The following WNK1 variants were observed in gnomAD, a reference collection of about 807,000 sequenced individuals.
WNK1 encodes WNK lysine deficient protein kinase 1.
Under a neutral mutation model 222.8 loss-of-function variants are expected in WNK1, and 38 were observed. The ratio of observed to expected loss-of-function variants is 0.17; its 90% CI spans 0.13 to 0.22. The LOEUF is 0.22. WNK1 is among the 10% of genes least tolerant of loss of function. WNK1 has a pLI of 1.00. For synonymous variants in WNK1, 1,090 were observed against 1,092.9 expected, an observed-to-expected ratio of 1.00 and a Z score of 0.05; for missense variants, 2,348 against 2,918.4, an observed-to-expected ratio of 0.80 and a Z score of 4.50.
intron 26 of WNK1, chr12:901,218 G>C: frequency 4.4e-6 from 1 of 225,044 alleles, no homozygotes; most frequent in South Asian, 6.4e-5. Context: ...TGGGCATCTG[G>C]GTGAGAAGAA....
chr12:758,537 G>A (rs1183997596), intron 1 of WNK1, among the ~76,000 whole-genome samples: 9 of 143,840 alleles, frequency 6.3e-5, no homozygotes, highest in African/African-American at 9.8e-5. Context: ...ACAGGCGCCC[G>A]CCACCGTGCC....
At chr12:776,348 G>C (rs1460501458) in intron 1 of WNK1, among the ~76,000 whole-genome samples, 5 of 150,694 alleles carry the variant, frequency 3.3e-5, no homozygotes, top group African/African-American at 1.2e-4. Flanking sequence ...TTTTCAAGCT[G>C]CTGTTTGTTG....
chr12:830,977 G>A (rs911635667), intron 4 of WNK1, among the ~76,000 whole-genome samples: 2 of 152,100 alleles, frequency 1.3e-5, no homozygotes, highest in East Asian at 1.9e-4. Context: ...CTGCATGCAT[G>A]TCAGAGATTT....
At chr12:774,621 C>T (rs1942900468) in intron 1 of WNK1, among the ~76,000 whole-genome samples, 1 of 152,140 alleles carries the variant, frequency 6.6e-6, no homozygotes, top group Non-Finnish European at 1.5e-5. Context: ...GTTCTAAGGG[C>T]ATGATAAGGG....
intron 1 of WNK1, among the ~76,000 whole-genome samples, chr12:785,877 A>G (rs979943281): frequency 3.3e-5 from 5 of 152,176 alleles, no homozygotes; most frequent in Admixed American, 1.3e-4. Context: ...ACTGATAAAT[A>G]AATGCGGTTT....
At chr12:810,111 G>A (rs1430258367) in intron 1 of WNK1, among the ~76,000 whole-genome samples, 1 of 152,142 alleles carries the variant, frequency 6.6e-6, no homozygotes, top group Non-Finnish European at 1.5e-5. Context: ...TTAGCCAGGT[G>A]TGGTGGCACA....
intron 8 of WNK1, chr12:868,022 C>T (rs2154071469): frequency 6.2e-7 from 1 of 1,614,016 alleles, no homozygotes; most frequent in Non-Finnish European, 8.5e-7. Context: ...CACCTCCTTC[C>T]TGGAAGCCCA....
At chr12:801,075 A>G (rs1945820599) in intron 1 of WNK1, among the ~76,000 whole-genome samples, 1 of 152,146 alleles carries the variant, frequency 6.6e-6, no homozygotes, top group Admixed American at 6.5e-5. Context: ...CGCCATTTGT[A>G]TCTGCTGATG....
chr12:802,169 G>A lies in WNK1; in HGVS notation c.760-11473G>A, dbSNP rs190513467. On this transcript the variant is annotated intron_variant, in intron 1 of 27. Coordinates refer to ENST00000315939, the MANE Select transcript of WNK1 (RefSeq NM_018979.4). ...AAATAGTAGATATTTTAGGTTGTAC[G>A]TGAATGAACGTTTTAAAGCCCCAAA... Among the ~76,000 whole-genome samples, 30 of 152,260 alleles carry A rather than the reference G, an allele frequency of 2.0e-4. No individual in the cohort carries two copies. The South Asian group carries it at 3.9e-3, about 20-fold the overall frequency.
At chr12:837,136 A>T (rs961505890) in intron 4 of WNK1, among the ~76,000 whole-genome samples, 6 of 152,244 alleles carry the variant, frequency 3.9e-5, no homozygotes, top group Admixed American at 3.3e-4. Flanking sequence ...GACTCCAGGG[A>T]TGCCTCATGG....
intron 1 of WNK1, among the ~76,000 whole-genome samples, chr12:807,783 A>G (rs1005677405): frequency 2.3e-5 from 3 of 132,966 alleles, no homozygotes; most frequent in Admixed American, 9.4e-5. Flanking sequence ...GCAGTGGCGC[A>G]ATCTCGGCTC....
In WNK1 at chr12:881,738, T is replaced by C; in HGVS notation, c.3158T>C (p.Val1053Ala). Residue 1053 changes from valine (V) to alanine (A), a missense_variant, in exon 13 of 28, where the codon GTA becomes GCA. Val to Ala is a moderately conservative substitution (Grantham distance 64). Coordinates refer to ENST00000315939, the MANE Select transcript of WNK1 (RefSeq NM_018979.4). ...SQVAPAEPVA[V>A]AQTQATQPTT... is the part of the protein sequence containing the mutation. ...GTTGCTCCTGCAGAGCCAGTTGCAG[T>C]AGCACAGACCCAAGCTACCCAGCCG... The C allele has an allele frequency of 6.2e-7, 1 of 1,614,178 alleles. No individual in the cohort carries two copies.
chr12:814,382 T>A (rs1591821065), intron 2 of WNK1, among the ~76,000 whole-genome samples: 1 of 151,964 alleles, frequency 6.6e-6, no homozygotes, highest in Non-Finnish European at 1.5e-5. Context: ...AGCCCTCTAG[T>A]GGTTAAAATG....
In WNK1 at chr12:774,682, G is replaced by A. The variant is rs889134981; in HGVS notation, c.759+20358G>A. ...CATTGTAAGATTGTTTTCCAGAAGAGTTATATAGATTTTCAGTGTCCCAAG... is the reference window on the plus strand; with the variant it reads ...CATTGTAAGATTGTTTTCCAGAAGAATTATATAGATTTTCAGTGTCCCAAG... On this transcript the variant is annotated intron_variant, in intron 1 of 27. Coordinates refer to ENST00000315939, the MANE Select transcript of WNK1 (RefSeq NM_018979.4). Among the ~76,000 whole-genome samples the A allele has an allele frequency of 3.9e-5, 6 of 152,172 alleles. No homozygotes were observed. The East Asian group carries it at 7.7e-4, about 20-fold the overall frequency.
At chr12:861,846 A>G (rs541204428) in intron 7 of WNK1, among the ~76,000 whole-genome samples, 1 of 152,332 alleles carries the variant, frequency 6.6e-6, no homozygotes, top group Non-Finnish European at 1.5e-5. Flanking sequence ...ATAGTGTTTC[A>G]TGCTGTTTCC....
Position 908,969 on chromosome 12 carries a change from G to A in WNK1, c.*177G>A, listed in dbSNP as rs1282538043. On this transcript the variant is annotated 3_prime_UTR_variant, in exon 28 of 28. Coordinates refer to ENST00000315939, the MANE Select transcript of WNK1 (RefSeq NM_018979.4). ...GCCCTCAGAATGGAGAGTCTCCCCC[G>A]CTCCAGTTATTGGAATGGGAGAGGA... 9.7e-6 allele frequency: 7 copies of A among 721,956 alleles called. No homozygotes were observed. The highest frequency in any genetic ancestry group is 5.2e-5 in the Admixed American group (2 of 38,794). 44.7% of individuals were successfully genotyped at this position (721,956 alleles called of 1,614,324 possible). A position where few individuals can be genotyped will look rare whatever the true frequency, so the allele number is the denominator to read the frequency against.
At chr12:814,946 A>C (rs537834426) in intron 2 of WNK1, among the ~76,000 whole-genome samples, 66 of 152,336 alleles carry the variant, frequency 4.3e-4, no homozygotes, top group Middle Eastern at 6.8e-3. Flanking sequence ...ATCATCAGGC[A>C]TTAGATTCTC....
chr12:766,144 A>C (rs1941666969), intron 1 of WNK1, among the ~76,000 whole-genome samples: 1 of 152,120 alleles, frequency 6.6e-6, no homozygotes, highest in South Asian at 2.1e-4. Flanking sequence ...AATGTTCACT[A>C]TTTGGGTGAT....
intron 1 of WNK1, among the ~76,000 whole-genome samples, chr12:776,654 T>C (rs1190798123): frequency 1.3e-5 from 2 of 151,500 alleles, no homozygotes; most frequent in East Asian, 2.0e-4. Flanking sequence ...ATGGTCTTGC[T>C]CTCTTGACCT....
Sources: gnomAD v4.1 joint callset for allele counts (sites outside exome capture counted in the v4.1 genomes callset) on GRCh38, gnomAD v4.1.1 for gene constraint, MANE v1.5 for transcripts, NCBI Gene and HGNC (gene_info 2026-07-23, HGNC 2026-07-21) for gene names.